TAX1BP1: variants seen among roughly 807,000 people sequenced by gnomAD.
The protein encoded by TAX1BP1 is Tax1 binding protein 1.
Under a neutral mutation model 97.7 loss-of-function variants are expected in TAX1BP1, and 62 were observed. The observed-to-expected ratio is 0.63, with a 90% CI of 0.52 to 0.78. The LOEUF is 0.78. Ranked by LOEUF, TAX1BP1 falls within the 30% of genes least tolerant of loss-of-function variation. The probability of loss-of-function intolerance (pLI) is 0.00; values close to 1 mark genes in which losing one functional copy is unlikely to be tolerated. For synonymous variants in TAX1BP1, 340 were observed against 304.2 expected, an observed-to-expected ratio of 1.12 and a Z score of -1.23; for missense variants, 867 against 916.1, an observed-to-expected ratio of 0.95 and a Z score of 0.69.
intron 7 of TAX1BP1, 59 bp downstream of exon 7, chr7:27,785,548 T>C: frequency 7.0e-7 from 1 of 1,429,252 alleles, no homozygotes; most frequent in Non-Finnish European, 9.7e-7. Context: ...ACCCCAGAAC[T>C]TAGGGGCTGT....
At chr7:27,778,855 C>T (rs1424709755) in intron 5 of TAX1BP1, among the ~76,000 whole-genome samples, 5 of 97,604 alleles carry the variant, frequency 5.1e-5, no homozygotes, top group African/African-American at 2.0e-4. Flanking sequence ...AGTGAGACTG[C>T]GTTTAAAAAA....
chr7:27,827,786 C>T lies in TAX1BP1; in HGVS notation c.2134C>T (p.Arg712Cys), dbSNP rs970208838. The change falls in exon 16 of 17, where the codon CGT becomes TGT. Residue 712 changes from arginine (R) to cysteine (C), a missense_variant. Coordinates refer to ENST00000396319, the MANE Select transcript of TAX1BP1 (RefSeq NM_006024.7). ...TCCTGATCCTCCAAGTCAACATTTA[C>T]GTGGGCATGGGACAGGCTTTTGCTT... The part of the protein sequence containing the change: ...TAPDPPSQHL[R>C]GHGTGFCFDS... The T allele has an allele frequency of 3.7e-6, 6 of 1,613,790 alleles. No homozygotes were observed. Among genetic ancestry groups the T allele is most frequent in the African/African-American group, 1.3e-5 (1 of 74,894 alleles).
intron 11 of TAX1BP1, among the ~76,000 whole-genome samples, 173 bp downstream of exon 11, chr7:27,794,619 G>T (rs532455544): frequency 1.3e-5 from 2 of 152,190 alleles, no homozygotes; most frequent in East Asian, 3.9e-4. Context: ...TCATGCAAGT[G>T]GTGAATATAC....
chr7:27,808,010 A>T (rs532573620), intron 13 of TAX1BP1, among the ~76,000 whole-genome samples: 1 of 152,212 alleles, frequency 6.6e-6, no homozygotes, highest in East Asian at 1.9e-4. Flanking sequence ...TTGAGCACTT[A>T]TTACTTTCTG....
intron 2 of TAX1BP1, among the ~76,000 whole-genome samples, chr7:27,753,028 A>G (rs1180661891): frequency 6.6e-6 from 1 of 151,936 alleles, no homozygotes; most frequent in Non-Finnish European, 1.5e-5. Flanking sequence ...GGCTGGGCAC[A>G]GTGGCTCACG....
chr7:27,803,922 A>C (rs62451069), intron 13 of TAX1BP1, among the ~76,000 whole-genome samples: 18,668 of 152,228 alleles, frequency 0.12, 1,212 homozygotes, highest in South Asian at 0.13. Context: ...TTTAAAGAAC[A>C]ATTTCTATAT....
chr7:27,804,404 T>G (rs1287329456), intron 13 of TAX1BP1, among the ~76,000 whole-genome samples: 1 of 152,242 alleles, frequency 6.6e-6, no homozygotes, highest in African/African-American at 2.4e-5. Context: ...TGTCCTTGTT[T>G]ATGTATGTCT....
intron 3 of TAX1BP1, among the ~76,000 whole-genome samples, chr7:27,764,913 C>T (rs187705697): frequency 2.6e-4 from 39 of 147,698 alleles, no homozygotes; most frequent in Admixed American, 2.3e-3. Context: ...TTGACATGCT[C>T]CACCCCTCTC....
At chr7:27,769,960 C>A in intron 5 of TAX1BP1, 126 bp downstream of exon 5, 1 of 826,240 alleles carries the variant, frequency 1.2e-6, no homozygotes, top group Non-Finnish European at 1.9e-6. Context: ...TTTAGATAGA[C>A]GTTTATACAA....
intron 13 of TAX1BP1, among the ~76,000 whole-genome samples, chr7:27,813,650 T>A (rs1451010982): frequency 3.9e-5 from 6 of 152,104 alleles, no homozygotes; most frequent in Non-Finnish European, 8.8e-5. Context: ...TAAAATTTTT[T>A]ATTGAGATAG....
chr7:27,765,386 G>A (rs1227238507), intron 3 of TAX1BP1, among the ~76,000 whole-genome samples: 1 of 152,090 alleles, frequency 6.6e-6, no homozygotes, highest in Non-Finnish European at 1.5e-5. Flanking sequence ...TAGTTCACAT[G>A]TGCAGCATAT....
At position 27,817,150 on chromosome 7, in the gene TAX1BP1, G is replaced by A. The variant is rs758468858; in HGVS notation, c.2085+112G>A. On this transcript the variant is annotated intron_variant, in intron 15 of 16. Coordinates refer to ENST00000396319, the MANE Select transcript of TAX1BP1 (RefSeq NM_006024.7). The stretch of plus-strand genomic sequence containing the variant: ...TCTTTGTGCGTGCATGCGTGTGTGT[G>A]GAAGGAGAGTGTGTGCTTGTGCCTG... The A allele has an allele frequency of 5.2e-5, 67 of 1,287,872 alleles. 1 individual carries two copies. In the Admixed American group the frequency reaches 5.9e-4, roughly 11 times the overall value. The allele number at this position is 1,287,872 out of a possible 1,614,324, so 79.8% of individuals were successfully genotyped here. A position where few individuals can be genotyped will look rare whatever the true frequency, so the allele number is the denominator to read the frequency against.
chr7:27,771,099 T>A (rs182502897), intron 5 of TAX1BP1, among the ~76,000 whole-genome samples: 106 of 45,594 alleles, frequency 2.3e-3, no homozygotes, highest in Middle Eastern at 9.8e-3. Context: ...ATTCAGCAAT[T>A]TTTTTTTTTT....
chr7:27,753,137 T>A (rs1408351653), intron 2 of TAX1BP1, among the ~76,000 whole-genome samples: 1 of 152,134 alleles, frequency 6.6e-6, no homozygotes, highest in African/African-American at 2.4e-5. Flanking sequence ...CTGTCTCTAC[T>A]AAAAATATAA....
chr7:27,800,063 ACT>A lies in TAX1BP1; in HGVS notation c.1738_1739del (p.Leu580SerfsTer2). ...VKIAENVKLELAEVQDNYKEL... is the reference protein window; with the variant it reads ...VKIAENVKLEXAEVQDNYKEL... ...AAATTGCTGAAAATGTAAAACTTGA[ACT>A]AGCTGAAGTACAGGACAATTATAAA... is the stretch of plus-strand genomic sequence containing the variant. On this transcript the variant is annotated frameshift_variant, in exon 13 of 17. Transcript: ENST00000396319. LOFTEE classifies it high-confidence loss of function. The A allele has an allele frequency of 6.3e-7, 1 of 1,595,108 alleles. No homozygotes were observed. The highest frequency in any genetic ancestry group is 1.1e-5 in the South Asian group (1 of 87,540).
intron 13 of TAX1BP1, among the ~76,000 whole-genome samples, chr7:27,808,639 A>G (rs1251052832): frequency 6.6e-6 from 1 of 152,088 alleles, no homozygotes; most frequent in Non-Finnish European, 1.5e-5. Context: ...AACATCCTTA[A>G]CTTGTCAAAT....
At chr7:27,810,654 A>G (rs2128323291) in intron 13 of TAX1BP1, among the ~76,000 whole-genome samples, 1 of 152,158 alleles carries the variant, frequency 6.6e-6, no homozygotes, top group East Asian at 1.9e-4. Flanking sequence ...TTGTCTTTTC[A>G]GCTATATCTC....
chr7:27,802,752 A>G (rs1045121882), intron 13 of TAX1BP1, among the ~76,000 whole-genome samples: 1 of 152,144 alleles, frequency 6.6e-6, no homozygotes, highest in Non-Finnish European at 1.5e-5. Flanking sequence ...CGGGGGCGTG[A>G]TATTTGAAGG....
intron 5 of TAX1BP1, among the ~76,000 whole-genome samples, chr7:27,771,217 C>A (rs777108299): frequency 1.2e-4 from 17 of 140,530 alleles, no homozygotes; most frequent in Non-Finnish European, 2.0e-4. Context: ...ATGATTTATA[C>A]CTGGATTTGG....
Sources: gnomAD v4.1 joint callset for allele counts (sites outside exome capture counted in the v4.1 genomes callset) on GRCh38, gnomAD v4.1.1 for gene constraint, MANE v1.5 for transcripts, NCBI Gene and HGNC (gene_info 2026-07-23, HGNC 2026-07-21) for gene names.